The following CCDC60 variants were observed in gnomAD, a reference collection of about 807,000 sequenced individuals.
The protein encoded by CCDC60 is coiled-coil domain containing 60, also known as coiled-coil domain-containing protein 60.
A neutral mutation model predicts 63.5 loss-of-function variants in CCDC60; 54 were observed. That is an observed-to-expected ratio of 0.85 (90% confidence interval 0.68 to 1.07). The LOEUF (loss-of-function observed/expected upper bound fraction) is 1.07, where lower values mean the gene tolerates loss of function less well. CCDC60 is among the 50% of genes least tolerant of loss of function. The pLI is 0.00. For synonymous variants in CCDC60, 206 were observed against 238.8 expected, an observed-to-expected ratio of 0.86 and a Z score of 1.27; for missense variants, 651 against 684.3, an observed-to-expected ratio of 0.95 and a Z score of 0.54.
intron 1 of CCDC60, among the ~76,000 whole-genome samples, chr12:119,393,822 T>G (rs536419335): frequency 1.1e-4 from 17 of 152,208 alleles, no homozygotes; most frequent in Non-Finnish European, 2.4e-4. Flanking sequence ...TAAGGATTCA[T>G]TTAATAAATG....
At chr12:119,444,669 T>G (rs1035561830) in intron 2 of CCDC60, among the ~76,000 whole-genome samples, 1 of 152,152 alleles carries the variant, frequency 6.6e-6, no homozygotes. Flanking sequence ...CAAAAACAGG[T>G]CCTCCAAGGT....
chr12:119,471,793 C>CCTCT, intron 2 of CCDC60, among the ~76,000 whole-genome samples: 1 of 149,930 alleles, frequency 6.7e-6, no homozygotes, highest in East Asian at 2.0e-4. Context: ...CTCCTCCCTC[C>CCTCT]CTCTCTCTCT....
At chr12:119,369,919 CT>C (rs1479702790) in intron 1 of CCDC60, among the ~76,000 whole-genome samples, 1 of 152,150 alleles carries the variant, frequency 6.6e-6, no homozygotes, top group Non-Finnish European at 1.5e-5. Flanking sequence ...AGAATTTTGC[CT>C]TTCAATCCAC....
intron 1 of CCDC60, among the ~76,000 whole-genome samples, chr12:119,400,496 T>C (rs1452935551): frequency 2.0e-5 from 3 of 152,250 alleles, no homozygotes; most frequent in African/African-American, 7.2e-5. Context: ...TACTGTGTGA[T>C]AGTCTTTCAC....
At chr12:119,509,497 C>A (rs1488804299) in intron 7 of CCDC60, among the ~76,000 whole-genome samples, 1 of 152,134 alleles carries the variant, frequency 6.6e-6, no homozygotes, top group African/African-American at 2.4e-5. Context: ...TGAATGACAA[C>A]AATCAACTGG....
Position 119,538,039 on chromosome 12 carries a change from G to C in CCDC60, c.1552-2575G>C, listed in dbSNP as rs180776301. On this transcript the variant is annotated intron_variant, in intron 13 of 13. Coordinates refer to ENST00000327554, the MANE Select transcript of CCDC60 (RefSeq NM_178499.5). Reference sequence around the variant, plus strand: ...GCCCCCAGAGGTGGAATCTACAGAGGCAACAGGCCTTGCTGAGCTGTGGTG... The same window carrying C: ...GCCCCCAGAGGTGGAATCTACAGAGCCAACAGGCCTTGCTGAGCTGTGGTG... Among the ~76,000 whole-genome samples, 17 of 152,314 alleles carry C rather than the reference G, an allele frequency of 1.1e-4. No homozygotes were observed. The East Asian group carries it at 3.3e-3, about 29-fold the overall frequency.
intron 11 of CCDC60, among the ~76,000 whole-genome samples, chr12:119,526,954 C>T (rs1952693317): frequency 6.6e-6 from 1 of 152,164 alleles, no homozygotes; most frequent in South Asian, 2.1e-4. Flanking sequence ...ACCATAAAGA[C>T]ACATGCATGT....
chr12:119,344,816 T>TTCTCTC (rs369578003), intron 1 of CCDC60, among the ~76,000 whole-genome samples: 3 of 110,238 alleles, frequency 2.7e-5, no homozygotes, highest in Non-Finnish European at 5.6e-5. Flanking sequence ...TCTTAGAACA[T>TTCTCTC]TCTCTCTCTC....
At chr12:119,345,278 C>G (rs781510380) in intron 1 of CCDC60, among the ~76,000 whole-genome samples, 1 of 152,118 alleles carries the variant, frequency 6.6e-6, no homozygotes, top group Non-Finnish European at 1.5e-5. Context: ...CCAAAGCAGG[C>G]GGATCATGAG....
chr12:119,531,030 A>G lies in CCDC60; in HGVS notation c.1518A>G (p.Glu506=), dbSNP rs753430230. Residue 506 remains glutamate (E), a synonymous_variant, in exon 13 of 14, where the codon GAA becomes GAG. Transcript: ENST00000327554. ...TGCTGCAGGATCTGAGGATTTGGGA[A>G]CTGTGCTCCCCTGACATCGCTGTGG... ...LKVLQDLRIW[E]LCSPDIAVAI... 8.0e-5 allele frequency: 129 copies of G among 1,614,098 alleles called. No homozygotes were observed. The Middle Eastern group carries it at 2.6e-3, about 33-fold the overall frequency.
At chr12:119,360,018 C>T (rs1955759479) in intron 1 of CCDC60, among the ~76,000 whole-genome samples, 1 of 152,146 alleles carries the variant, frequency 6.6e-6, no homozygotes, top group Non-Finnish European at 1.5e-5. Flanking sequence ...CCGCCATTGT[C>T]ATCCTGGCCC....
rs547361881 is a variant in CCDC60, at chr12:119,456,780, G to A, written c.171-15214G>A. On this transcript the variant is annotated intron_variant, in intron 2 of 13. Coordinates refer to ENST00000327554, the MANE Select transcript of CCDC60 (RefSeq NM_178499.5). The surrounding 1 kb of genome is among the most constrained non-coding windows in gnomAD (Gnocchi z 4.6). ...CATGGCATTGGTAAACTGTCATGGC[G>A]CTGACAGGAGTGTAGCAGTGAGGAC... Among the ~76,000 whole-genome samples the A allele has an allele frequency of 2.6e-5, 4 of 152,294 alleles. No individual in the cohort carries two copies. The highest frequency in any genetic ancestry group is 2.1e-4 in the South Asian group (1 of 4,828).
intron 2 of CCDC60, among the ~76,000 whole-genome samples, chr12:119,429,369 A>AT: frequency 6.6e-6 from 1 of 151,904 alleles, no homozygotes. Flanking sequence ...GTGAGATGGA[A>AT]TTTTTTTCCC....
At chr12:119,477,846 A>G (rs763536233) in intron 3 of CCDC60, among the ~76,000 whole-genome samples, 4 of 152,010 alleles carry the variant, frequency 2.6e-5, no homozygotes, top group Non-Finnish European at 5.9e-5. Flanking sequence ...AAGTTTTTTC[A>G]TTTTTATGTG....
At chr12:119,486,044 T>C (rs190425503) in intron 4 of CCDC60, among the ~76,000 whole-genome samples, 7 of 152,224 alleles carry the variant, frequency 4.6e-5, no homozygotes, top group Non-Finnish European at 7.4e-5. Context: ...GAAGAACCCA[T>C]AGGCCTCTCC....
chr12:119,460,372 A>G (rs1424719465), intron 2 of CCDC60, among the ~76,000 whole-genome samples: 2 of 152,162 alleles, frequency 1.3e-5, no homozygotes, highest in African/African-American at 4.8e-5. Context: ...TGCACATTTT[A>G]TCATCTCTGA....
intron 1 of CCDC60, among the ~76,000 whole-genome samples, chr12:119,367,282 G>A (rs974131936): frequency 1.3e-5 from 2 of 152,164 alleles, no homozygotes; most frequent in Non-Finnish European, 2.9e-5. Context: ...GAGATTAAGA[G>A]GACTTGTGCA....
intron 7 of CCDC60, among the ~76,000 whole-genome samples, chr12:119,507,590 ACATATATATATATATATATATATAT>A (rs1566050596): frequency 1.5e-3 from 39 of 25,526 alleles, no homozygotes; most frequent in African/African-American, 3.9e-3. Flanking sequence ...ACATATATAT[ACATATATATATATATATATATATAT>A]TTTTTTTTTT....
At chr12:119,350,180 T>TATTTATTC (rs1337374279) in intron 1 of CCDC60, among the ~76,000 whole-genome samples, 1 of 96,372 alleles carries the variant, frequency 1.0e-5, no homozygotes, top group African/African-American at 5.4e-5. Flanking sequence ...ATTATTTATT[T>TATTTATTC]ATTTATTTAT....
Sources: gnomAD v4.1 joint callset for allele counts (sites outside exome capture counted in the v4.1 genomes callset) on GRCh38, gnomAD v4.1.1 for gene constraint, Gnocchi (gnomAD v3.1) non-coding constraint, MANE v1.5 for transcripts, NCBI Gene and HGNC (gene_info 2026-07-23, HGNC 2026-07-21) for gene names.